Variants in MTUS2 observed in about 807,000 individuals in gnomAD.
MTUS2 encodes the protein microtubule associated scaffold protein 2.
In MTUS2, 40 loss-of-function variants were observed where a neutral mutation model predicts 114.1. The ratio of observed to expected loss-of-function variants is 0.35; its 90% CI spans 0.27 to 0.46. The LOEUF (loss-of-function observed/expected upper bound fraction) is 0.46. Ranked by LOEUF, MTUS2 falls within the 20% of genes least tolerant of loss-of-function variation. MTUS2 has a pLI of 1.00. For synonymous variants in MTUS2, 688 were observed against 672.0 expected (o/e 1.02, Z -0.37); for missense variants, 1,679 against 1,705.4 (o/e 0.98, Z 0.27).
chr13:28,878,472 T>A (rs1007288654), intron 2 of MTUS2, among the ~76,000 whole-genome samples: 1 of 152,152 alleles, frequency 6.6e-6, no homozygotes, highest in African/African-American at 2.4e-5. Flanking sequence ...CTGTTGTTCC[T>A]GAGGCTCTCC....
intron 2 of MTUS2, among the ~76,000 whole-genome samples, chr13:28,934,086 C>G (rs1198855304): frequency 6.6e-6 from 1 of 152,206 alleles, no homozygotes; most frequent in East Asian, 1.9e-4. Flanking sequence ...AGAATTAGTT[C>G]TCACTCTCCT....
At chr13:29,053,209 A>T (rs530860358) in intron 4 of MTUS2, among the ~76,000 whole-genome samples, 1 of 152,330 alleles carries the variant, frequency 6.6e-6, no homozygotes, top group African/African-American at 2.4e-5. Context: ...TATGTATTTT[A>T]TATAATCTGC....
chr13:29,204,902 G>A (rs564900311), intron 5 of MTUS2, among the ~76,000 whole-genome samples: 7 of 152,300 alleles, frequency 4.6e-5, no homozygotes, highest in South Asian at 2.1e-4. Context: ...CCAAATCGGG[G>A]ACATCATGGG....
intron 2 of MTUS2, among the ~76,000 whole-genome samples, chr13:29,022,292 G>A (rs541439956): frequency 2.0e-5 from 3 of 152,296 alleles, no homozygotes; most frequent in African/African-American, 7.2e-5. Context: ...TCAGTGAGGA[G>A]GAGCATGAGG....
intron 8 of MTUS2, among the ~76,000 whole-genome samples, chr13:29,365,966 C>T (rs9551658): frequency 0.75 from 113,811 of 152,110 alleles, 42,753 homozygotes; most frequent in East Asian, 0.83. Flanking sequence ...CTCTTCCCTG[C>T]GAGAGATGAG....
At chr13:28,853,463 A>G (rs972834537) in intron 2 of MTUS2, among the ~76,000 whole-genome samples, 6 of 152,128 alleles carry the variant, frequency 3.9e-5, no homozygotes, top group Non-Finnish European at 8.8e-5. Flanking sequence ...ATATTTTGCT[A>G]TAAGGACTGA....
intron 2 of MTUS2, among the ~76,000 whole-genome samples, chr13:28,982,154 G>T (rs1884387451): frequency 6.6e-6 from 1 of 152,128 alleles, no homozygotes; most frequent in African/African-American, 2.4e-5. Flanking sequence ...TAAGTAGGGT[G>T]CAGGGTCAGG....
chr13:29,452,570 A>ATG (rs1239129336), intron 9 of MTUS2, among the ~76,000 whole-genome samples: 2 of 131,184 alleles, frequency 1.5e-5, no homozygotes, highest in Admixed American at 8.2e-5. Flanking sequence ...ATATATATAT[A>ATG]TATATGTGTG....
intron 8 of MTUS2, among the ~76,000 whole-genome samples, chr13:29,438,548 A>T (rs898937171): frequency 1.3e-5 from 2 of 152,044 alleles, no homozygotes; most frequent in African/African-American, 4.8e-5. Flanking sequence ...GCTCCCTGGG[A>T]TCCCTCTAAT....
intron 8 of MTUS2, among the ~76,000 whole-genome samples, chr13:29,404,365 CA>C (rs1874595987): frequency 6.6e-6 from 1 of 151,580 alleles, no homozygotes; most frequent in South Asian, 2.1e-4. Flanking sequence ...AAAACAAAAA[CA>C]AAAAGTTAGC....
rs531473232 is a variant in MTUS2 at position 28,956,058 on chromosome 13, C to G, written c.-242-68399C>G. On this transcript the variant is annotated intron_variant, in intron 2 of 15. Transcript: ENST00000612955. ...ATTTGTAGTCTTCTGTCTCTTGCCC[C>G]CCCCCATCCTTTCCCCCAAGTCCCC... is the stretch of plus-strand genomic sequence containing the variant. 3.4e-5 allele frequency among the ~76,000 whole-genome samples: 5 copies of G among 147,288 alleles called. No individual in the cohort carries two copies. The East Asian group carries it at 6.4e-4, about 19-fold the overall frequency.
chr13:28,899,734 CTTCCATT>C (rs1879523879), intron 2 of MTUS2, among the ~76,000 whole-genome samples: 1 of 151,818 alleles, frequency 6.6e-6, no homozygotes, highest in African/African-American at 2.4e-5. Context: ...TTATATCTGA[CTTCCATT>C]TTCTCTCTGT....
intron 5 of MTUS2, among the ~76,000 whole-genome samples, chr13:29,258,591 G>T (rs1327729785): frequency 6.6e-6 from 1 of 152,196 alleles, no homozygotes; most frequent in East Asian, 1.9e-4. Flanking sequence ...TTGATTACAT[G>T]TATGTTCAGA....
At chr13:28,973,417 T>C (rs989402551) in intron 2 of MTUS2, among the ~76,000 whole-genome samples, 1 of 152,186 alleles carries the variant, frequency 6.6e-6, no homozygotes, top group Non-Finnish European at 1.5e-5. Flanking sequence ...TGATGTAAAA[T>C]ATATTTCTGA....
At position 29,207,158 on chromosome 13, in the gene MTUS2, TTTGTTTG is replaced by T. The variant is rs1895223447; in HGVS notation, c.2645-74543_2645-74537del. Among the ~76,000 whole-genome samples, 5 of 152,118 alleles carry T rather than the reference TTTGTTTG, an allele frequency of 3.3e-5. No homozygotes were observed. The East Asian group carries it at 7.7e-4, about 23-fold the overall frequency. On this transcript the variant is annotated intron_variant, in intron 5 of 15. Transcript: ENST00000612955. Reference sequence around the variant, plus strand: ...AGGTGTAATATACTCCTAAGTGTTTTTTGTTTGTTTGTTTCTTTGTTTTGCAGCTATT... The same window carrying T: ...AGGTGTAATATACTCCTAAGTGTTTTTTTGTTTCTTTGTTTTGCAGCTATT...
chr13:29,449,286 TATTAACTAGC>T (rs5802522), intron 9 of MTUS2, among the ~76,000 whole-genome samples: 138,591 of 152,044 alleles, frequency 0.91, 64,542 homozygotes, highest in East Asian at 1. Flanking sequence ...GTTCTTAAGT[TATTAACTAGC>T]ATGCATTTTT....
intron 5 of MTUS2, among the ~76,000 whole-genome samples, chr13:29,118,029 T>C (rs1536715): frequency 0.03 from 4,563 of 152,224 alleles, 231 homozygotes; most frequent in African/African-American, 0.1. Context: ...ACCAGTGGCT[T>C]TGAAGGTGCA....
intron 9 of MTUS2, among the ~76,000 whole-genome samples, chr13:29,475,861 A>T (rs1045987676): frequency 2.6e-5 from 4 of 151,996 alleles, no homozygotes; most frequent in Non-Finnish European, 5.9e-5. Flanking sequence ...AGCACAGAAA[A>T]ATTTTTTTAA....
chr13:28,908,260 T>G (rs1880174870), intron 2 of MTUS2, among the ~76,000 whole-genome samples: 3 of 151,518 alleles, frequency 2.0e-5, no homozygotes, highest in African/African-American at 7.3e-5. Context: ...CATTTAACAT[T>G]AGGTATATCT....
Sources: allele counts gnomAD v4.1 joint callset (sites outside exome capture counted in the v4.1 genomes callset), GRCh38; gene constraint gnomAD v4.1.1; transcripts MANE v1.5; gene names NCBI Gene and HGNC (gene_info 2026-07-23, HGNC 2026-07-21).